Variants in SGCZ observed in about 807,000 individuals in gnomAD.
SGCZ encodes sarcoglycan zeta.
In SGCZ, 40 loss-of-function variants were observed where a neutral mutation model predicts 41.3. The ratio of observed to expected loss-of-function variants is 0.97; its 90% CI spans 0.75 to 1.26. The LOEUF is 1.26. Among genes scored for constraint, SGCZ ranks in the 50% most tolerant of loss-of-function variants. SGCZ has a pLI of 0.00. For missense variants in SGCZ, 552 were observed against 369.8 expected (o/e 1.49, Z -4.04); for synonymous variants, 206 against 137.5 (o/e 1.50, Z -3.49).
At chr8:14,347,142 G>GA (rs938728285) in intron 2 of SGCZ, among the ~76,000 whole-genome samples, 4 of 151,960 alleles carry the variant, frequency 2.6e-5, no homozygotes, top group African/African-American at 4.8e-5. Context: ...TTATGTTAAA[G>GA]AAAAAATCTA....
chr8:14,639,464 G>T (rs944563057), intron 1 of SGCZ, among the ~76,000 whole-genome samples: 3 of 151,556 alleles, frequency 2.0e-5, no homozygotes, highest in African/African-American at 7.3e-5. Context: ...TTACCAAGGG[G>T]ATAAATCAAA....
intron 1 of SGCZ, among the ~76,000 whole-genome samples, chr8:14,902,294 A>G (rs1304042724): frequency 6.6e-6 from 1 of 151,962 alleles, no homozygotes; most frequent in African/African-American, 2.4e-5. Context: ...TCCGTTCTTA[A>G]TCTTTTCTTC....
At chr8:14,597,041 A>G (rs537718365) in intron 1 of SGCZ, among the ~76,000 whole-genome samples, 30 of 152,294 alleles carry the variant, frequency 2.0e-4, no homozygotes, top group African/African-American at 6.7e-4. Context: ...AAAACGCCTG[A>G]GGTAGTTTAG....
chr8:14,620,410 A>G (rs1441307399), intron 1 of SGCZ, among the ~76,000 whole-genome samples: 1 of 152,224 alleles, frequency 6.6e-6, no homozygotes, highest in African/African-American at 2.4e-5. Flanking sequence ...CACCAAAAGC[A>G]ATGGCAACAA....
chr8:14,875,277 C>A (rs1353724638), intron 1 of SGCZ, among the ~76,000 whole-genome samples: 10 of 152,114 alleles, frequency 6.6e-5, no homozygotes. Context: ...TTGTAAGGAA[C>A]TTTAGTCCTT....
intron 2 of SGCZ, among the ~76,000 whole-genome samples, chr8:14,429,811 T>C (rs912183715): frequency 9.9e-5 from 15 of 152,010 alleles, no homozygotes; most frequent in Admixed American, 2.6e-4. Flanking sequence ...AGTGGTAATT[T>C]ATTTATTGCC....
At chr8:15,139,530 TG>T (rs2116992712) in intron 1 of SGCZ, among the ~76,000 whole-genome samples, 1 of 152,278 alleles carries the variant, frequency 6.6e-6, no homozygotes, top group South Asian at 2.1e-4. Flanking sequence ...ATATTTAAGG[TG>T]ACATGGCACT....
At chr8:14,578,727 G>A (rs903820585) in intron 1 of SGCZ, among the ~76,000 whole-genome samples, 1 of 152,066 alleles carries the variant, frequency 6.6e-6, no homozygotes, top group African/African-American at 2.4e-5. Context: ...ATGATTCATG[G>A]TAACAGTAAA....
chr8:14,420,675 T>C (rs978839067), intron 2 of SGCZ, among the ~76,000 whole-genome samples: 2 of 152,036 alleles, frequency 1.3e-5, no homozygotes, highest in Admixed American at 6.6e-5. Flanking sequence ...ACTGGAGAAA[T>C]ACCACAGTAA....
At chr8:15,112,639 G>C (rs1190642656) in intron 1 of SGCZ, among the ~76,000 whole-genome samples, 1 of 152,142 alleles carries the variant, frequency 6.6e-6, no homozygotes, top group African/African-American at 2.4e-5. Flanking sequence ...GCTTGTTATT[G>C]AAACACAGCC....
intron 1 of SGCZ, among the ~76,000 whole-genome samples, chr8:14,889,248 C>G (rs1804921092): frequency 6.6e-6 from 1 of 151,502 alleles, no homozygotes; most frequent in Non-Finnish European, 1.5e-5. Context: ...TCCACCCTCT[C>G]AGCTTTCTTT....
intron 1 of SGCZ, among the ~76,000 whole-genome samples, chr8:14,941,722 TATTC>T (rs1288271329): frequency 6.6e-6 from 1 of 151,922 alleles, no homozygotes; most frequent in Non-Finnish European, 1.5e-5. Flanking sequence ...TTTGTACATC[TATTC>T]ATACGTTTAT....
chr8:14,939,490 G>A (rs1276119025), intron 1 of SGCZ, among the ~76,000 whole-genome samples: 1 of 151,954 alleles, frequency 6.6e-6, no homozygotes, highest in African/African-American at 2.4e-5. Context: ...ATAAAATCAG[G>A]CAGACAACTT....
At chr8:14,302,690 A>T (rs1024872737) in intron 3 of SGCZ, among the ~76,000 whole-genome samples, 4 of 152,146 alleles carry the variant, frequency 2.6e-5, no homozygotes, top group African/African-American at 9.7e-5. Flanking sequence ...AAAATGTCTC[A>T]CTGGGATTCA....
At chr8:14,905,852 T>C (rs952647257) in intron 1 of SGCZ, among the ~76,000 whole-genome samples, 2 of 151,534 alleles carry the variant, frequency 1.3e-5, no homozygotes, top group African/African-American at 2.4e-5. Context: ...ACTGAACACA[T>C]ACGGAAAACA....
chr8:14,550,594 G>C (rs972184266), intron 2 of SGCZ, among the ~76,000 whole-genome samples: 2 of 151,808 alleles, frequency 1.3e-5, no homozygotes. Context: ...TATGAACCTT[G>C]GTGTTCAGAA....
At chr8:14,403,062 GA>G (rs1392154891) in intron 2 of SGCZ, among the ~76,000 whole-genome samples, 1 of 148,908 alleles carries the variant, frequency 6.7e-6, no homozygotes, top group East Asian at 1.9e-4. Context: ...TTGTGAATGG[GA>G]GTTCACTCAT....
chr8:14,194,304 A>AT (rs1167573725), intron 4 of SGCZ, among the ~76,000 whole-genome samples: 2 of 151,896 alleles, frequency 1.3e-5, no homozygotes, highest in South Asian at 2.1e-4. Context: ...TATTCTGGGT[A>AT]TTTTTTGATG....
At chr8:15,202,048 C>T (rs903609030) in intron 1 of SGCZ, among the ~76,000 whole-genome samples, 1 of 152,122 alleles carries the variant, frequency 6.6e-6, no homozygotes, top group South Asian at 2.1e-4. Context: ...ACTCCTGATT[C>T]TATTGTTGTC....
Sources: gnomAD v4.1 joint callset for allele counts (sites outside exome capture counted in the v4.1 genomes callset) on GRCh38, gnomAD v4.1.1 for gene constraint, MANE v1.5 for transcripts, NCBI Gene and HGNC (gene_info 2026-07-23, HGNC 2026-07-21) for gene names.